Variants in NR1D2 observed in about 807,000 individuals in gnomAD.
NR1D2 encodes the protein V-erbA-related protein 1-related.
NR1D2 carries 25 observed loss-of-function variants against 52.2 expected under a neutral mutation model. That is an observed-to-expected ratio of 0.48 (90% CI 0.35 to 0.67). The LOEUF is 0.67. NR1D2 is among the 30% of genes least tolerant of loss of function. The pLI, the probability that NR1D2 is intolerant of heterozygous loss-of-function variation, is 0.01. For synonymous variants in NR1D2, 259 were observed against 230.1 expected (o/e 1.13, Z -1.14); for missense variants, 681 against 707.2 (o/e 0.96, Z 0.42).
intron 5 of NR1D2, among the ~76,000 whole-genome samples, chr3:23,964,432 G>A (rs1706385922): frequency 6.6e-6 from 1 of 152,048 alleles, no homozygotes; most frequent in East Asian, 1.9e-4. Flanking sequence ...TTTCTTCTTG[G>A]AAATTACAAC....
Position 23,977,458 on chromosome 3 carries a change from A to G in NR1D2, c.*39A>G. 1 of 1,381,732 alleles carries G rather than the reference A, an allele frequency of 7.2e-7. No homozygotes were observed. Among genetic ancestry groups the G allele is most frequent in the Non-Finnish European group, 9.9e-7 (1 of 1,014,040 alleles). The allele number at this position is 1,381,732 out of a possible 1,614,324, so 85.6% of individuals were successfully genotyped here. ...TTAAACATGAACTGATGGTAACTGT[A>G]CATTTTGTGCTAAAATGCATATTTA... On this transcript the variant is annotated 3_prime_UTR_variant, in exon 8 of 8. Transcript: ENST00000312521.
At chr3:23,966,053 T>C (rs974801805) in intron 6 of NR1D2, among the ~76,000 whole-genome samples, 2 of 152,192 alleles carry the variant, frequency 1.3e-5, no homozygotes, top group African/African-American at 4.8e-5. Context: ...TTAACAGATG[T>C]GCCTCTCCTG....
chr3:23,947,434 CTCA>C, intron 1 of NR1D2, among the ~76,000 whole-genome samples: 1 of 152,312 alleles, frequency 6.6e-6, no homozygotes, highest in East Asian at 1.9e-4. Flanking sequence ...TTTCTGATCA[CTCA>C]TCATCCTTGT....
intron 1 of NR1D2, among the ~76,000 whole-genome samples, chr3:23,951,116 G>T (rs959950608): frequency 6.6e-6 from 1 of 152,042 alleles, no homozygotes; most frequent in African/African-American, 2.4e-5. Context: ...TGTTGGTCAG[G>T]CTGGTCTTGG....
intron 5 of NR1D2, 79 bp from the exon 6 acceptor site, chr3:23,964,898 C>T (rs1281877712): frequency 1.2e-5 from 11 of 955,776 alleles, no homozygotes; most frequent in Non-Finnish European, 1.7e-5. Context: ...GTTGGGGTTT[C>T]TGATAATTGA....
chr3:23,968,731 G>A (rs900617857), intron 7 of NR1D2, among the ~76,000 whole-genome samples: 51 of 152,294 alleles, frequency 3.3e-4, no homozygotes, highest in Admixed American at 3.0e-3. Context: ...ATTTCTGACA[G>A]TACCCATTAA....
At chr3:23,945,996 A>G in intron 1 of NR1D2, 5 of 608,314 alleles carry the variant, frequency 8.2e-6, no homozygotes, top group Non-Finnish European at 1.0e-5. Flanking sequence ...CCTGACCCAC[A>G]TTCCCCGGGG....
chr3:23,957,120 T>G (rs1706099415), intron 3 of NR1D2, among the ~76,000 whole-genome samples: 1 of 151,876 alleles, frequency 6.6e-6, no homozygotes, highest in South Asian at 2.1e-4. Context: ...GTAGCTGGGA[T>G]TACAGGCACA....
chr3:23,949,044 A>G (rs1044869295), intron 1 of NR1D2, among the ~76,000 whole-genome samples: 2 of 152,160 alleles, frequency 1.3e-5, no homozygotes, highest in South Asian at 4.1e-4. Context: ...ATTTACATGG[A>G]GATAAAAATA....
intron 3 of NR1D2, among the ~76,000 whole-genome samples, chr3:23,958,173 G>A (rs1025911944): frequency 1.3e-5 from 2 of 152,138 alleles, no homozygotes; most frequent in African/African-American, 4.8e-5. Flanking sequence ...TACTCTGTTG[G>A]TGTGTGGTGT....
At chr3:23,977,163 A>C in intron 7 of NR1D2, 60 bp from the exon 8 acceptor site, 1 of 942,118 alleles carries the variant, frequency 1.1e-6, no homozygotes, top group Non-Finnish European at 1.5e-6. Context: ...AATTTTATTT[A>C]TATTTAATGT....
At chr3:23,965,944 TG>T (rs1337316133) in intron 6 of NR1D2, among the ~76,000 whole-genome samples, 1 of 152,244 alleles carries the variant, frequency 6.6e-6, no homozygotes, top group Non-Finnish European at 1.5e-5. Context: ...TAGCTCTTCC[TG>T]GTTTCACCTT....
At chr3:23,965,756 G>A (rs1219190719) in intron 6 of NR1D2, among the ~76,000 whole-genome samples, 1 of 152,174 alleles carries the variant, frequency 6.6e-6, no homozygotes, top group Non-Finnish European at 1.5e-5. Context: ...CTGAGTTCTA[G>A]TATTGCTTTT....
At chr3:23,968,177 A>G (rs558200764) in intron 7 of NR1D2, among the ~76,000 whole-genome samples, 154 bp downstream of exon 7, 3 of 152,206 alleles carry the variant, frequency 2.0e-5, no homozygotes, top group East Asian at 3.8e-4. Flanking sequence ...TTGTGTAACT[A>G]ATTTTTTCGT....
chr3:23,970,540 C>G (rs1706559219), intron 7 of NR1D2, among the ~76,000 whole-genome samples: 1 of 152,104 alleles, frequency 6.6e-6, no homozygotes, highest in Non-Finnish European at 1.5e-5. Context: ...TATCCATTTA[C>G]CTATCCATCT....
chr3:23,976,475 T>C (rs527970668), intron 7 of NR1D2, among the ~76,000 whole-genome samples: 1 of 152,190 alleles, frequency 6.6e-6, no homozygotes, highest in Non-Finnish European at 1.5e-5. Context: ...CTTTCAGTTG[T>C]ATGTAGTTAT....
At chr3:23,964,256 G>A (rs1706378432) in intron 5 of NR1D2, among the ~76,000 whole-genome samples, 2 of 151,638 alleles carry the variant, frequency 1.3e-5, no homozygotes, top group African/African-American at 4.8e-5. Flanking sequence ...TTTTTTAATT[G>A]TTGGTAGAGA....
Position 23,945,493 on chromosome 3 carries a change from C to T in NR1D2, c.-86C>T. ...CCCGCGACCACCGCTGCTTCCAGCCCGGGGCGGCGCGGCGCTGAGGCGGCG... is the reference window on the plus strand; with the variant it reads ...CCCGCGACCACCGCTGCTTCCAGCCTGGGGCGGCGCGGCGCTGAGGCGGCG... On this transcript the variant is annotated 5_prime_UTR_variant, in exon 1 of 8. Coordinates refer to ENST00000312521, the MANE Select transcript of NR1D2 (RefSeq NM_005126.5). 7 of 855,744 alleles carry T rather than the reference C, an allele frequency of 8.2e-6. No individual in the cohort carries two copies. The highest frequency in any genetic ancestry group is 1.0e-5 in the Non-Finnish European group (7 of 688,898). The allele number at this position is 855,744 out of a possible 1,614,324, so 53.0% of individuals were successfully genotyped here.
intron 7 of NR1D2, among the ~76,000 whole-genome samples, chr3:23,970,840 G>A (rs1048579369): frequency 3.3e-5 from 5 of 152,064 alleles, no homozygotes; most frequent in Non-Finnish European, 7.4e-5. Flanking sequence ...GGAGTGCAAT[G>A]GCATGATCTC....
Sources: allele counts gnomAD v4.1 joint callset (sites outside exome capture counted in the v4.1 genomes callset), GRCh38; gene constraint gnomAD v4.1.1; transcripts MANE v1.5; gene names NCBI Gene and HGNC (gene_info 2026-07-23, HGNC 2026-07-21).